Variants in NALCN observed in about 807,000 individuals in gnomAD.
NALCN encodes sodium leak channel, non-selective.
In NALCN, 111 loss-of-function variants were observed where a neutral mutation model predicts 225.3. The observed-to-expected ratio is 0.49, with a 90% CI of 0.42 to 0.58. NALCN has a LOEUF of 0.58. NALCN is among the 20% of genes least tolerant of loss of function. NALCN has a pLI of 0.00. For missense variants in NALCN, 1,378 were observed against 2,202.4 expected (o/e 0.63, Z 7.49); for synonymous variants, 764 against 769.0 (o/e 0.99, Z 0.11).
In NALCN at chr13:101,234,824, TCTATCTATCTA is replaced by T. The variant is rs1030335098; in HGVS notation, c.1434+2920_1434+2930del. ...CTGTGATTTGACTATCTATCTACTATCTATCTATCTACTATCTATCTATCTATCATCTACCT... is the reference window on the plus strand; with the variant it reads ...CTGTGATTTGACTATCTATCTACTATCTATCTATCTATCTATCATCTACCT... On this transcript the variant is annotated intron_variant, in intron 12 of 43. Transcript: ENST00000251127. 8.2e-5 allele frequency among the ~76,000 whole-genome samples: 11 copies of T among 134,848 alleles called. No homozygotes were observed. In the South Asian group the frequency reaches 2.7e-3, roughly 33 times the overall value. 88.5% of individuals were successfully genotyped at this position (134,848 alleles called of 152,430 possible).
intron 27 of NALCN, among the ~76,000 whole-genome samples, chr13:101,100,175 G>A (rs1456171499): frequency 6.6e-6 from 1 of 152,144 alleles, no homozygotes; most frequent in Non-Finnish European, 1.5e-5. Context: ...AGCTGAGAGT[G>A]GGGAAGCAAT....
intron 15 of NALCN, among the ~76,000 whole-genome samples, chr13:101,163,576 A>G (rs2038291833): frequency 6.6e-6 from 1 of 152,186 alleles, no homozygotes; most frequent in South Asian, 2.1e-4. Context: ...AGAAAGGCAG[A>G]AGAAAATAAC....
At chr13:101,105,858 C>A (rs889812043) in intron 22 of NALCN, among the ~76,000 whole-genome samples, 7 of 152,132 alleles carry the variant, frequency 4.6e-5, no homozygotes, top group African/African-American at 1.7e-4. Context: ...GCTTAAATGT[C>A]CTCCTCTGTT....
chr13:101,095,229 A>G (rs1180942668), intron 28 of NALCN, among the ~76,000 whole-genome samples: 1 of 152,206 alleles, frequency 6.6e-6, no homozygotes, highest in Non-Finnish European at 1.5e-5. Flanking sequence ...CTTTAAAGAT[A>G]TAAACTCAGG....
intron 15 of NALCN, among the ~76,000 whole-genome samples, chr13:101,174,834 T>C (rs2038892030): frequency 6.6e-6 from 1 of 152,220 alleles, no homozygotes; most frequent in Non-Finnish European, 1.5e-5. Flanking sequence ...CATTGTAACA[T>C]ACTGTCTCAG....
At chr13:101,168,419 C>T (rs993654572) in intron 15 of NALCN, among the ~76,000 whole-genome samples, 1 of 152,096 alleles carries the variant, frequency 6.6e-6, no homozygotes, top group Non-Finnish European at 1.5e-5. Context: ...CGAAAAAAAA[C>T]CCAAATAAAC....
Position 101,089,573 on chromosome 13 carries a change from C to T in NALCN, c.3489+90G>A. ...CCAGTCACATTACAGTTTAAAGCGGCTTCACGCCGCGTGTGAAAAGAAACA... is the reference window on the plus strand; with the variant it reads ...CCAGTCACATTACAGTTTAAAGCGGTTTCACGCCGCGTGTGAAAAGAAACA... On this transcript the variant is annotated intron_variant, in intron 30 of 43. Transcript: ENST00000251127. The surrounding 1 kb of genome is among the most constrained non-coding windows in gnomAD (Gnocchi z 4.7). 8.7e-7 allele frequency: 1 copy of T among 1,149,002 alleles called. No individual in the cohort carries two copies. The highest frequency in any genetic ancestry group is 1.3e-6 in the Non-Finnish European group (1 of 786,052). The allele number at this position is 1,149,002 out of a possible 1,614,324, so 71.2% of individuals were successfully genotyped here.
At chr13:101,310,221 T>C (rs1306050768) in intron 7 of NALCN, among the ~76,000 whole-genome samples, 1 of 152,216 alleles carries the variant, frequency 6.6e-6, no homozygotes, top group African/African-American at 2.4e-5. Flanking sequence ...CTACTCAAAA[T>C]GCTCCACGGG....
rs34847260 is a variant in NALCN at position 101,273,884 on chromosome 13, CAA to C, written c.1134+10047_1134+10048del. ...TGGGCGACAGAGCAAGACTCCATCT[CAA>C]AAAAAAAAAAAAAAAAAAAAAGAAA... is the stretch of plus-strand genomic sequence containing the variant. On this transcript the variant is annotated intron_variant, in intron 10 of 43. Coordinates refer to ENST00000251127, the MANE Select transcript of NALCN (RefSeq NM_052867.4). Among the ~76,000 whole-genome samples the C allele has an allele frequency of 4.2e-3, 405 of 95,848 alleles. 1 individual carries two copies. The highest frequency in any genetic ancestry group is 0.022 in the Middle Eastern group (4 of 186). The allele number at this position is 95,848 out of a possible 152,430, so 62.9% of individuals were successfully genotyped here. A position where few individuals can be genotyped will look rare whatever the true frequency, so the allele number is the denominator to read the frequency against.
rs566288472 is a variant in NALCN at position 101,274,971 on chromosome 13, G to A, written c.1134+8962C>T. Among the ~76,000 whole-genome samples, 21 of 152,202 alleles carry A rather than the reference G, an allele frequency of 1.4e-4. 1 individual carries two copies. Among genetic ancestry groups the A allele is most frequent in the South Asian group, 8.3e-4 (4 of 4,818 alleles). On this transcript the variant is annotated intron_variant, in intron 10 of 43. Coordinates refer to ENST00000251127, the MANE Select transcript of NALCN (RefSeq NM_052867.4). ...GAGTAGTGGTTCCAGCAGAGATGGG[G>A]CAAGGCTTTCAGAGAGGATTAAAAA...
intron 3 of NALCN, among the ~76,000 whole-genome samples, chr13:101,388,923 G>C (rs926574743): frequency 6.6e-6 from 1 of 152,146 alleles, no homozygotes; most frequent in Non-Finnish European, 1.5e-5. Flanking sequence ...CAAGTGACAG[G>C]GCCATTCATG....
chr13:101,247,489 A>G lies in NALCN; in HGVS notation c.1267-9567T>C, dbSNP rs146106297. On this transcript the variant is annotated intron_variant, in intron 11 of 43. Transcript: ENST00000251127. ...GAGAGAGAAATAAGAAAATCTCCCA[A>G]GCCAAATGAGGCAGCATGCAAAGAT... is the stretch of plus-strand genomic sequence containing the variant. Among the ~76,000 whole-genome samples, 6 of 152,302 alleles carry G rather than the reference A, an allele frequency of 3.9e-5. No homozygotes were observed. In the East Asian group the frequency reaches 1.2e-3, roughly 29 times the overall value.
In NALCN at chr13:101,107,777, C is replaced by T. The variant is rs759433575; in HGVS notation, c.2377G>A (p.Val793Met). The change falls in exon 21 of 44, where the codon GTG becomes ATG. Residue 793 changes from valine to methionine, a missense_variant. Physicochemically the swap from Val to Met is conservative, Grantham distance 21. Coordinates refer to ENST00000251127, the MANE Select transcript of NALCN (RefSeq NM_052867.4). ...ETLTQDHSNT[V>M]RYRNAQREDS... is the part of the protein sequence containing the mutation. ...TCTCTTTGTGCATTTCTATATCTCACTGTATTGGAATGCTAGAAATAAATT... is the reference window on the plus strand; with the variant it reads ...TCTCTTTGTGCATTTCTATATCTCATTGTATTGGAATGCTAGAAATAAATT... 3 of 1,613,266 alleles carry T rather than the reference C, an allele frequency of 1.9e-6. No homozygotes were observed. Among genetic ancestry groups the T allele is most frequent in the South Asian group, 2.2e-5 (2 of 90,952 alleles).
chr13:101,283,620 C>A (rs914719334), intron 10 of NALCN, among the ~76,000 whole-genome samples: 15 of 152,146 alleles, frequency 9.9e-5, no homozygotes, highest in African/African-American at 2.9e-4. Flanking sequence ...TTGCCCACTG[C>A]CACATAACTC....
chr13:101,118,153 T>C (rs896225848), intron 18 of NALCN, among the ~76,000 whole-genome samples: 8 of 152,110 alleles, frequency 5.3e-5, no homozygotes, highest in Non-Finnish European at 1.0e-4. Flanking sequence ...ATGTTGATAG[T>C]TGGGGAGACT....
At chr13:101,283,894 C>G (rs772883401) in intron 10 of NALCN, 39 bp downstream of exon 10, 5 of 1,532,930 alleles carry the variant, frequency 3.3e-6, no homozygotes, top group Non-Finnish European at 4.4e-6. Context: ...ATTCAAAGAC[C>G]TTTGCTGGGC....
chr13:101,304,956 C>G (rs544524753), intron 7 of NALCN, among the ~76,000 whole-genome samples: 4 of 151,840 alleles, frequency 2.6e-5, no homozygotes, highest in Non-Finnish European at 5.9e-5. Context: ...GGGGTTTCAC[C>G]ATGTTGGCCA....
chr13:101,198,800 C>T (rs1369344557), intron 13 of NALCN, among the ~76,000 whole-genome samples: 1 of 152,158 alleles, frequency 6.6e-6, no homozygotes, highest in Non-Finnish European at 1.5e-5. Flanking sequence ...GGTATATACT[C>T]ACAGGATTAT....
intron 11 of NALCN, among the ~76,000 whole-genome samples, chr13:101,253,688 T>C (rs2042128768): frequency 6.6e-6 from 1 of 152,208 alleles, no homozygotes; most frequent in Admixed American, 6.5e-5. Flanking sequence ...TATTCAATTA[T>C]TTGACATTGC....
Sources: allele counts gnomAD v4.1 joint callset (sites outside exome capture counted in the v4.1 genomes callset), GRCh38; gene constraint gnomAD v4.1.1; non-coding constraint Gnocchi (gnomAD v3.1); transcripts MANE v1.5; gene names NCBI Gene and HGNC (gene_info 2026-07-23, HGNC 2026-07-21).